NALF1: variants seen among roughly 807,000 people sequenced by gnomAD.
The protein encoded by NALF1 is family with sequence similarity 155 member A.
NALF1 carries 3 observed loss-of-function variants against 48.4 expected under a neutral mutation model. The ratio of observed to expected loss-of-function variants is 0.06; its 90% CI spans 0.03 to 0.16. The LOEUF is 0.16. Ranked by LOEUF, NALF1 falls within the 10% of genes least tolerant of loss-of-function variation. The probability of loss-of-function intolerance (pLI) is 1.00; values close to 1 mark genes in which losing one functional copy is unlikely to be tolerated. For missense variants in NALF1, 526 were observed against 571.5 expected (o/e 0.92, Z 0.81); for synonymous variants, 262 against 245.7 (o/e 1.07, Z -0.62).
intron 2 of NALF1, among the ~76,000 whole-genome samples, chr13:107,183,727 G>A (rs1042148190): frequency 3.4e-4 from 52 of 152,068 alleles, no homozygotes; most frequent in Non-Finnish European, 4.4e-5. Flanking sequence ...ATCATTCACA[G>A]CAAACTAACA....
In NALF1 at chr13:107,449,599, T is replaced by A. The variant is rs539007005; in HGVS notation, c.916-238844A>T. Among the ~76,000 whole-genome samples the A allele has an allele frequency of 2.0e-5, 3 of 152,268 alleles. No individual in the cohort carries two copies. The South Asian group carries it at 6.2e-4, about 32-fold the overall frequency. ...ATGTAGAAGTCGGTAAAGAGAAATTTTATTTTGAATCTATTGTGAAGATCT... is the reference window on the plus strand; with the variant it reads ...ATGTAGAAGTCGGTAAAGAGAAATTATATTTTGAATCTATTGTGAAGATCT... On this transcript the variant is annotated intron_variant, in intron 1 of 2. Coordinates refer to ENST00000375915, the MANE Select transcript of NALF1 (RefSeq NM_001080396.3).
chr13:107,729,543 C>T (rs1202137259), intron 1 of NALF1, among the ~76,000 whole-genome samples: 3 of 152,064 alleles, frequency 2.0e-5, no homozygotes, highest in Non-Finnish European at 4.4e-5. Flanking sequence ...GTGGCGCGAC[C>T]TCAGCTCACC....
intron 1 of NALF1, among the ~76,000 whole-genome samples, chr13:107,645,147 G>A (rs1453156057): frequency 6.6e-6 from 1 of 152,102 alleles, no homozygotes; most frequent in Non-Finnish European, 1.5e-5. Flanking sequence ...AAGTTGCTGA[G>A]TCTTAAGGAT....
rs1294190400 is a variant in NALF1 at position 107,866,801 on chromosome 13, C to T, written c.-205G>A. The T allele has an allele frequency of 3.4e-6, 2 of 584,188 alleles. No homozygotes were observed. Among genetic ancestry groups the T allele is most frequent in the Non-Finnish European group, 6.0e-6 (2 of 331,902 alleles). 36.2% of individuals were successfully genotyped at this position (584,188 alleles called of 1,614,324 possible). On this transcript the variant is annotated 5_prime_UTR_variant, in exon 1 of 3. Transcript: ENST00000375915. The surrounding 1 kb of genome is among the most constrained non-coding windows in gnomAD (Gnocchi z 4.4). ...CCCTCTCTTTTATCTCTCTCTGTCT[C>T]TTTTGCCTACATAAATATTACCAGG...
At chr13:107,270,554 A>ACTT (rs1881140115) in intron 1 of NALF1, among the ~76,000 whole-genome samples, 1 of 152,044 alleles carries the variant, frequency 6.6e-6, no homozygotes, top group Non-Finnish European at 1.5e-5. Context: ...TTAAAGTATA[A>ACTT]CTTTAAATAT....
intron 1 of NALF1, among the ~76,000 whole-genome samples, chr13:107,236,841 C>T (rs1880361024): frequency 6.6e-6 from 1 of 152,098 alleles, no homozygotes; most frequent in Non-Finnish European, 1.5e-5. Flanking sequence ...CTGTACTGAA[C>T]ATGTAGACTT....
At chr13:107,444,609 T>G (rs1191115533) in intron 1 of NALF1, among the ~76,000 whole-genome samples, 1 of 152,234 alleles carries the variant, frequency 6.6e-6, no homozygotes, top group African/African-American at 2.4e-5. Flanking sequence ...TTACTTGTTT[T>G]GACGAGCTAT....
intron 1 of NALF1, among the ~76,000 whole-genome samples, chr13:107,814,791 G>T (rs887247422): frequency 6.6e-6 from 1 of 151,928 alleles, no homozygotes; most frequent in African/African-American, 2.4e-5. Flanking sequence ...AGATGAACAG[G>T]GAAATGGGGG....
intron 1 of NALF1, among the ~76,000 whole-genome samples, chr13:107,594,869 C>T (rs961182232): frequency 2.6e-5 from 4 of 151,552 alleles, no homozygotes; most frequent in African/African-American, 9.7e-5. Context: ...AATCTATACA[C>T]GTATATCTGA....
At chr13:107,400,024 A>C (rs1181881563) in intron 1 of NALF1, among the ~76,000 whole-genome samples, 4 of 152,168 alleles carry the variant, frequency 2.6e-5, no homozygotes, top group Non-Finnish European at 4.4e-5. Flanking sequence ...AGACAATAGA[A>C]CTAAAATTTT....
intron 1 of NALF1, among the ~76,000 whole-genome samples, chr13:107,550,371 T>G (rs1354096557): frequency 1.3e-5 from 2 of 152,136 alleles, no homozygotes; most frequent in African/African-American, 4.8e-5. Context: ...TCTTTATTGT[T>G]AAAATAAATA....
chr13:107,714,715 A>T (rs535182033), intron 1 of NALF1, among the ~76,000 whole-genome samples: 1 of 151,442 alleles, frequency 6.6e-6, no homozygotes, highest in South Asian at 2.1e-4. Context: ...TTGACACTTA[A>T]GAGTTTATTT....
intron 1 of NALF1, among the ~76,000 whole-genome samples, chr13:107,393,584 C>G (rs761785852): frequency 6.6e-6 from 1 of 152,028 alleles, no homozygotes; most frequent in Non-Finnish European, 1.5e-5. Context: ...TCAGTGGGCC[C>G]GCCCATAGGT....
intron 1 of NALF1, among the ~76,000 whole-genome samples, chr13:107,537,245 A>G (rs1373013434): frequency 6.6e-6 from 1 of 152,134 alleles, no homozygotes; most frequent in East Asian, 1.9e-4. Flanking sequence ...AAAAGTTAAA[A>G]AAAAAGGGAG....
chr13:107,452,275 C>T (rs7991217), intron 1 of NALF1, among the ~76,000 whole-genome samples: 35,494 of 152,090 alleles, frequency 0.23, 4,861 homozygotes, highest in Non-Finnish European at 0.31. Context: ...TTTCATACTG[C>T]TATAAAGAAC....
intron 2 of NALF1, among the ~76,000 whole-genome samples, chr13:107,184,832 CTG>C (rs1283598864): frequency 2.6e-5 from 4 of 152,034 alleles, no homozygotes; most frequent in African/African-American, 4.8e-5. Context: ...ATTTAATTTT[CTG>C]TGTTTTATAG....
intron 1 of NALF1, among the ~76,000 whole-genome samples, chr13:107,361,899 AG>A: frequency 6.6e-6 from 1 of 152,158 alleles, no homozygotes; most frequent in East Asian, 1.9e-4. Flanking sequence ...TAGGCAATGG[AG>A]GGTGAGTAAA....
chr13:107,660,949 C>G (rs1044128385), intron 1 of NALF1, among the ~76,000 whole-genome samples: 2 of 151,620 alleles, frequency 1.3e-5, no homozygotes, highest in African/African-American at 4.8e-5. Flanking sequence ...AAAAATTTGT[C>G]TAAAAAAAAA....
At chr13:107,857,795 C>T (rs555011998) in intron 1 of NALF1, among the ~76,000 whole-genome samples, 1 of 152,238 alleles carries the variant, frequency 6.6e-6, no homozygotes, top group East Asian at 1.9e-4. Context: ...TCTTGTAAAT[C>T]AGTCTTCTAT....
Sources: gnomAD v4.1 joint callset for allele counts (sites outside exome capture counted in the v4.1 genomes callset) on GRCh38, gnomAD v4.1.1 for gene constraint, Gnocchi (gnomAD v3.1) non-coding constraint, MANE v1.5 for transcripts, NCBI Gene and HGNC (gene_info 2026-07-23, HGNC 2026-07-21) for gene names.